TMEM116: variants seen among roughly 807,000 people sequenced by gnomAD.
The protein encoded by TMEM116 is transmembrane protein 116.
A neutral mutation model predicts 44.3 loss-of-function variants in TMEM116; 38 were observed. That is an observed-to-expected ratio of 0.86 (90% confidence interval 0.66 to 1.12). TMEM116 has a LOEUF of 1.12. Ranked by LOEUF, TMEM116 falls within the 50% of genes most tolerant of loss-of-function variation. The pLI is 0.00. For synonymous variants in TMEM116, 132 were observed against 144.8 expected, an observed-to-expected ratio of 0.91 and a Z score of 0.64; for missense variants, 354 against 401.7, an observed-to-expected ratio of 0.88 and a Z score of 1.01.
chr12:111,963,412 T>C (rs1014922487), intron 4 of TMEM116, among the ~76,000 whole-genome samples: 38 of 152,312 alleles, frequency 2.5e-4, no homozygotes, highest in Middle Eastern at 3.4e-3. Flanking sequence ...AGCAAAGCCT[T>C]GGAACCAACC....
At chr12:111,991,208 ACT>A (rs1565949528) in intron 4 of TMEM116, among the ~76,000 whole-genome samples, 1 of 94,544 alleles carries the variant, frequency 1.1e-5, no homozygotes, top group East Asian at 4.1e-4. Flanking sequence ...ACAGAGCGAG[ACT>A]CTGTCTCAAA....
At chr12:111,948,105 T>C (rs971330279) in intron 4 of TMEM116, among the ~76,000 whole-genome samples, 1 of 152,172 alleles carries the variant, frequency 6.6e-6, no homozygotes, top group African/African-American at 2.4e-5. Flanking sequence ...GTTTGGGAGA[T>C]CCAGCCTAGC....
chr12:111,974,627 C>G (rs1257884819), intron 4 of TMEM116, among the ~76,000 whole-genome samples: 1 of 149,360 alleles, frequency 6.7e-6, no homozygotes, highest in Non-Finnish European at 1.5e-5. Flanking sequence ...TGCACTCCAG[C>G]CTAGGCGACA....
At chr12:111,953,447 C>T (rs569201788) in intron 4 of TMEM116, among the ~76,000 whole-genome samples, 1 of 152,248 alleles carries the variant, frequency 6.6e-6, no homozygotes, top group Non-Finnish European at 1.5e-5. Flanking sequence ...TGGAGTCACT[C>T]GGGTCAAATC....
chr12:111,948,724 A>G (rs1464280102), intron 4 of TMEM116, among the ~76,000 whole-genome samples: 1 of 152,164 alleles, frequency 6.6e-6, no homozygotes, highest in Non-Finnish European at 1.5e-5. Flanking sequence ...TTTTAATTTT[A>G]TACATCATAT....
At chr12:111,994,973 T>A (rs2136652929) in intron 3 of TMEM116, among the ~76,000 whole-genome samples, 1 of 152,294 alleles carries the variant, frequency 6.6e-6, no homozygotes, top group East Asian at 1.9e-4. Flanking sequence ...GCTATGAACA[T>A]CTGCTTTTCT....
intron 4 of TMEM116, among the ~76,000 whole-genome samples, chr12:111,985,046 A>G (rs1327221086): frequency 6.6e-6 from 1 of 152,168 alleles, no homozygotes; most frequent in Non-Finnish European, 1.5e-5. Flanking sequence ...ATCATACTCA[A>G]TGATGAAAGA....
At chr12:111,944,609 A>G (rs1004097152) in intron 4 of TMEM116, among the ~76,000 whole-genome samples, 1 of 152,330 alleles carries the variant, frequency 6.6e-6, no homozygotes, top group East Asian at 1.9e-4. Context: ...TTTGTGAAGT[A>G]CAGTATCAGA....
At chr12:111,955,586 T>C (rs184597557) in intron 4 of TMEM116, among the ~76,000 whole-genome samples, 14 of 152,326 alleles carry the variant, frequency 9.2e-5, no homozygotes, top group Admixed American at 7.2e-4. Context: ...TATCCTGGCA[T>C]TGCAACATCT....
intron 4 of TMEM116, among the ~76,000 whole-genome samples, chr12:111,963,915 A>AT (rs1241012461): frequency 6.6e-6 from 1 of 152,044 alleles, no homozygotes; most frequent in Non-Finnish European, 1.5e-5. Flanking sequence ...TTCTGATATT[A>AT]TTTTTTTGCC....
Position 111,999,188 on chromosome 12 carries a change from TA to T in TMEM116, c.78+4611del, listed in dbSNP as rs548801677. 1.4e-3 allele frequency among the ~76,000 whole-genome samples: 217 copies of T among 150,938 alleles called. 1 individual carries two copies. The highest frequency in any genetic ancestry group is 4.9e-3 in the African/African-American group (202 of 41,094). ...TCCTAAACATGAAAGCAAAAACTCT[TA>T]AAAAAAAACCCACATATATATACAT... is the stretch of plus-strand genomic sequence containing the variant. On this transcript the variant is annotated intron_variant, in intron 3 of 10. Transcript: ENST00000552374.
At chr12:111,944,159 T>C (rs2073071714) in intron 4 of TMEM116, among the ~76,000 whole-genome samples, 1 of 151,850 alleles carries the variant, frequency 6.6e-6, no homozygotes, top group Non-Finnish European at 1.5e-5. Flanking sequence ...TAGGATAAAA[T>C]CTAAGAGAAG....
At chr12:111,946,293 G>A (rs755126052) in intron 4 of TMEM116, among the ~76,000 whole-genome samples, 26 of 152,312 alleles carry the variant, frequency 1.7e-4, no homozygotes, top group Non-Finnish European at 3.2e-4. Context: ...AGTGTGGAGC[G>A]GGATCAGGGG....
intron 4 of TMEM116, among the ~76,000 whole-genome samples, chr12:111,989,249 T>G (rs1004199563): frequency 2.6e-5 from 4 of 152,184 alleles, no homozygotes; most frequent in Non-Finnish European, 5.9e-5. Context: ...TGTACCTCAG[T>G]CATGATGCTG....
rs368832609 is a variant in TMEM116 at position 111,998,249 on chromosome 12, A to G, written c.78+5551T>C. On this transcript the variant is annotated intron_variant, in intron 3 of 10. Transcript: ENST00000552374. ...CGTGGTATGTAAAACTAGTCCTAAG[A>G]GACAGGGCAAGTCATTTTGGCAACT... Among the ~76,000 whole-genome samples the G allele has an allele frequency of 1.6e-4, 24 of 152,282 alleles. No individual in the cohort carries two copies. In the East Asian group the frequency reaches 4.0e-3, roughly 26 times the overall value.
chr12:111,961,133 G>A (rs2074560481), intron 4 of TMEM116, among the ~76,000 whole-genome samples: 1 of 152,194 alleles, frequency 6.6e-6, no homozygotes, highest in Non-Finnish European at 1.5e-5. Context: ...GGAAGAAGGT[G>A]AATCCCTGAA....
intron 4 of TMEM116, among the ~76,000 whole-genome samples, chr12:111,945,175 C>T (rs1430371942): frequency 6.7e-6 from 1 of 149,946 alleles, no homozygotes; most frequent in Non-Finnish European, 1.5e-5. Flanking sequence ...AAACCCCCAT[C>T]TCTACTAAAA....
At chr12:111,972,089 A>C (rs1455836979) in intron 4 of TMEM116, among the ~76,000 whole-genome samples, 3 of 150,688 alleles carry the variant, frequency 2.0e-5, no homozygotes, top group Non-Finnish European at 4.4e-5. Context: ...AAAAAAAAAA[A>C]AAAAAAACCC....
chr12:111,941,291 G>A (rs111900779), intron 5 of TMEM116, among the ~76,000 whole-genome samples: 9,082 of 151,614 alleles, frequency 0.06, 327 homozygotes, highest in Middle Eastern at 0.16. Context: ...CAGAAGAATC[G>A]CTTGAACCAG....
Sources: gnomAD v4.1 joint callset for allele counts (sites outside exome capture counted in the v4.1 genomes callset) on GRCh38, gnomAD v4.1.1 for gene constraint, MANE v1.5 for transcripts, NCBI Gene and HGNC (gene_info 2026-07-23, HGNC 2026-07-21) for gene names.